Variants in HNRNPU observed in about 807,000 individuals in gnomAD.
HNRNPU encodes the protein HNRNPU antisense RNA 1.
A neutral mutation model predicts 94.7 loss-of-function variants in HNRNPU; 5 were observed. The observed-to-expected ratio is 0.05, with a 90% confidence interval of 0.03 to 0.11. HNRNPU has a LOEUF of 0.11. Ranked by LOEUF, HNRNPU falls within the 10% of genes least tolerant of loss-of-function variation. The probability of loss-of-function intolerance (pLI) is 1.00; values close to 1 mark genes in which losing one functional copy is unlikely to be tolerated. For missense variants in HNRNPU, 710 were observed against 1,049.2 expected (o/e 0.68, Z 4.47); for synonymous variants, 434 against 381.6 (o/e 1.14, Z -1.60).
Position 244,863,598 on chromosome 1 carries a change from C to G in HNRNPU, c.691+19G>C, listed in dbSNP as rs1436416910. 7.0e-7 allele frequency: 1 copy of G among 1,430,748 alleles called. No homozygotes were observed. The highest frequency in any genetic ancestry group is 9.0e-7 in the Non-Finnish European group (1 of 1,106,532). The allele number at this position is 1,430,748 out of a possible 1,614,324, so 88.6% of individuals were successfully genotyped here. ...CGCGCGGGCCTCCCGCCGCGCGCAA[C>G]GTACAACGCAGCACTCACCCGCCGC... On this transcript the variant is annotated intron_variant, in intron 1 of 13. Coordinates refer to ENST00000640218, the MANE Select transcript of HNRNPU (RefSeq NM_031844.3).
At chr1:244,862,768 A>G (rs758179078) in intron 1 of HNRNPU, 38 bp from the exon 2 acceptor site, 59 of 1,490,768 alleles carry the variant, frequency 4.0e-5, no homozygotes, top group Non-Finnish European at 5.1e-5. Flanking sequence ...CCAAGCCTCT[A>G]AACAACAAAA....
At position 244,856,817 on chromosome 1, in the gene HNRNPU, G is replaced by A. The variant is rs115612462; in HGVS notation, c.1654C>T (p.Leu552=). The A allele has an allele frequency of 1.9e-5, 31 of 1,609,546 alleles. No homozygotes were observed. The African/African-American group carries it at 3.7e-4, about 19-fold the overall frequency. ...FKKQMADTGK[L]NTLLQRAPQC... is the part of the protein sequence containing the mutation. ...GGGGCTCTCTGCAACAGTGTGTTCA[G>A]TTTTCCAGTATCTGCCATTTGCTTC... The change falls in exon 9 of 14, where the codon CTG becomes TTG. Residue 552 remains leucine (L), a synonymous_variant. Coordinates refer to ENST00000640218, the MANE Select transcript of HNRNPU (RefSeq NM_031844.3).
chr1:244,863,025 A>AG (rs1680883634), intron 1 of HNRNPU: 3 of 352,124 alleles, frequency 8.5e-6, no homozygotes, highest in Non-Finnish European at 1.5e-5. Context: ...AGAGAGGGGG[A>AG]GGGGCCGAGC....
chr1:244,862,031 G>GGGAA (rs1680844038), intron 3 of HNRNPU: 1 of 154,514 alleles, frequency 6.5e-6, no homozygotes, highest in South Asian at 2.0e-4. Flanking sequence ...TTTTAAAATA[G>GGGAA]GGAATATACT....
chr1:244,857,589 T>C lies in HNRNPU; in HGVS notation c.1614+9A>G. On this transcript the variant is annotated intron_variant, in intron 8 of 13. Transcript: ENST00000640218. Reference sequence around the variant, plus strand: ...AACACTGAGATCAGGCCCTAAACATTTTACTTACCATCATCTTATCCATAA... The same window carrying C: ...AACACTGAGATCAGGCCCTAAACATCTTACTTACCATCATCTTATCCATAA... The C allele has an allele frequency of 6.2e-7, 1 of 1,612,382 alleles. No individual in the cohort carries two copies. The highest frequency in any genetic ancestry group is 8.5e-7 in the Non-Finnish European group (1 of 1,178,922).
Position 244,864,532 on chromosome 1 carries a change from C to G in HNRNPU, c.-225G>C. The stretch of plus-strand genomic sequence containing the variant: ...GAGACTCGCCTGGCGCGAGCGAGCA[C>G]GCAACGTCCTCTCGCAGGAGCGGCG... On this transcript the variant is annotated 5_prime_UTR_variant, in exon 1 of 14. Transcript: ENST00000640218. 1.6e-6 allele frequency: 1 copy of G among 645,092 alleles called. No individual in the cohort carries two copies. The allele number at this position is 645,092 out of a possible 1,614,324, so 40.0% of individuals were successfully genotyped here. A position where few individuals can be genotyped will look rare whatever the true frequency, so the allele number is the denominator to read the frequency against.
chr1:244,856,931 A>G, intron 8 of HNRNPU, 75 bp from the exon 9 acceptor site: 8 of 1,205,356 alleles, frequency 6.6e-6, no homozygotes, highest in Non-Finnish European at 9.5e-6. Flanking sequence ...TTCAACTCAT[A>G]TCTATATGTA....
chr1:244,863,420 ACGCGCG>A (rs1553283725), intron 1 of HNRNPU, among the ~76,000 whole-genome samples, 191 bp downstream of exon 1: 3 of 138,880 alleles, frequency 2.2e-5, no homozygotes, highest in Admixed American at 1.4e-4. Flanking sequence ...ACACACACAC[ACGCGCG>A]CGCGCACACA....
In HNRNPU at chr1:244,853,625, C is replaced by CTAA. The variant is rs1438690423; in HGVS notation, c.*822_*824dup. The stretch of plus-strand genomic sequence containing the variant: ...GTGGGAGAAGGGCATACAGACATGG[C>CTAA]TAACTTCATATAGATCCCATTAGAC... On this transcript the variant is annotated 3_prime_UTR_variant, in exon 14 of 14. Coordinates refer to ENST00000640218, the MANE Select transcript of HNRNPU (RefSeq NM_031844.3). 1 of 152,560 alleles carries CTAA rather than the reference C, an allele frequency of 6.6e-6. No homozygotes were observed. The highest frequency in any genetic ancestry group is 1.9e-4 in the East Asian group (1 of 5,202). 9.5% of individuals were successfully genotyped at this position (152,560 alleles called of 1,614,324 possible).
rs546782790 is a variant in HNRNPU at position 244,855,493 on chromosome 1, G to A, written c.2283C>T (p.Gly761=). 2.0e-5 allele frequency: 32 copies of A among 1,613,930 alleles called. No individual in the cohort carries two copies. In the East Asian group the frequency reaches 6.9e-4, roughly 35 times the overall value. Residue 761 remains glycine (G), a synonymous_variant, in exon 12 of 14, where the codon GGC becomes GGT. Transcript: ENST00000640218. ...YPYPRAPVFP[G]RGSYSNRGNY... The stretch of plus-strand genomic sequence containing the variant: ...TCCCTCTGTTTGAGTAACTACCACG[G>A]CCAGGAAAAACAGGGGCACGAGGGT...
intron 3 of HNRNPU, 48 bp from the exon 4 acceptor site, chr1:244,860,522 A>C (rs1441152453): frequency 6.8e-7 from 1 of 1,478,040 alleles, no homozygotes. Flanking sequence ...CAATGTAAAC[A>C]TATCTGCTAT....
At chr1:244,855,791 G>A (rs966733322) in intron 11 of HNRNPU, 113 bp downstream of exon 11, 7 of 1,321,046 alleles carry the variant, frequency 5.3e-6, no homozygotes, top group African/African-American at 1.5e-5. Context: ...GAATACTTTA[G>A]TTACTGTGAC....
chr1:244,861,201 TTTC>T (rs1482392098), intron 3 of HNRNPU: 2 of 152,246 alleles, frequency 1.3e-5, no homozygotes, highest in Non-Finnish European at 2.9e-5. Flanking sequence ...TGGAACTCAT[TTTC>T]TTTTTACTGA....
chr1:244,859,377 G>A lies in HNRNPU; in HGVS notation c.1018-3C>T. On this transcript the variant is annotated splice_region_variant and splice_polypyrimidine_tract_variant and intron_variant, in intron 4 of 13. Transcript: ENST00000640218. The stretch of plus-strand genomic sequence containing the variant: ...CTTACTGGGATCTTCTCTGTAACCT[G>A]AAAGTCAAATCATTAAATAATTAAA... 1 of 1,394,100 alleles carries A rather than the reference G, an allele frequency of 7.2e-7. No individual in the cohort carries two copies. Among genetic ancestry groups the A allele is most frequent in the Non-Finnish European group, 1.0e-6 (1 of 981,734 alleles). 86.4% of individuals were successfully genotyped at this position (1,394,100 alleles called of 1,614,324 possible). A position where few individuals can be genotyped will look rare whatever the true frequency, so the allele number is the denominator to read the frequency against.
In HNRNPU at chr1:244,853,785, A is replaced by G. The variant is rs979633555; in HGVS notation, c.*665T>C. On this transcript the variant is annotated 3_prime_UTR_variant, in exon 14 of 14. Transcript: ENST00000640218. ...TTGAGCCTCCACAAATAATGCAACCAAGTTTTACATTTTTAACAGCCCTTC... is the reference window on the plus strand; with the variant it reads ...TTGAGCCTCCACAAATAATGCAACCGAGTTTTACATTTTTAACAGCCCTTC... The G allele has an allele frequency of 4.6e-5, 7 of 152,754 alleles. No individual in the cohort carries two copies. Among genetic ancestry groups the G allele is most frequent in the East Asian group, 1.9e-4 (1 of 5,198 alleles). 9.5% of individuals were successfully genotyped at this position (152,754 alleles called of 1,614,324 possible).
intron 3 of HNRNPU, chr1:244,862,242 AAAT>A (rs1460646674): frequency 2.3e-6 from 1 of 432,898 alleles, no homozygotes; most frequent in Non-Finnish European, 4.1e-6. Flanking sequence ...CAAGTCATAA[AAAT>A]ACGAAACTCC....
intron 8 of HNRNPU, chr1:244,857,327 C>CCT: frequency 3.1e-6 from 1 of 319,676 alleles, no homozygotes; most frequent in Non-Finnish European, 5.7e-6. Context: ...CTCACTGCAA[C>CCT]CTCTGCCTCC....
rs1680589788 is a variant in HNRNPU, at chr1:244,853,105, AT to A, written c.*1344del. 1.3e-5 allele frequency: 2 copies of A among 152,574 alleles called. No homozygotes were observed. The highest frequency in any genetic ancestry group is 4.8e-5 in the African/African-American group (2 of 41,442). 9.5% of individuals were successfully genotyped at this position (152,574 alleles called of 1,614,324 possible). ...ATAATCAGTTGAGGACAGCATTAGC[AT>A]TCTGTAAAGATGATAAACTCAGTGT... On this transcript the variant is annotated 3_prime_UTR_variant, in exon 14 of 14. Coordinates refer to ENST00000640218, the MANE Select transcript of HNRNPU (RefSeq NM_031844.3).
Position 244,856,173 on chromosome 1 carries a change from G to C in HNRNPU, c.1913-15C>G. The stretch of plus-strand genomic sequence containing the variant: ...GGTAAAGTTTCCTGCAGGAAACAAA[G>C]TCATATTATTAATTTAGAAACCCAC... On this transcript the variant is annotated splice_polypyrimidine_tract_variant and intron_variant, in intron 10 of 13. Transcript: ENST00000640218. 6.3e-7 allele frequency: 1 copy of C among 1,588,588 alleles called. No homozygotes were observed. The highest frequency in any genetic ancestry group is 2.2e-5 in the East Asian group (1 of 44,758).
Sources: gnomAD v4.1 joint callset for allele counts (sites outside exome capture counted in the v4.1 genomes callset) on GRCh38, gnomAD v4.1.1 for gene constraint, MANE v1.5 for transcripts, NCBI Gene and HGNC (gene_info 2026-07-23, HGNC 2026-07-21) for gene names.